Variants in MOB3B observed in about 807,000 individuals in gnomAD.
MOB3B encodes MOB kinase activator-like 2B.
In MOB3B, 7 loss-of-function variants were observed where a neutral mutation model predicts 18.7. The observed-to-expected ratio is 0.37, with a 90% CI of 0.21 to 0.70. The LOEUF is 0.70. Ranked by LOEUF, MOB3B falls within the 30% of genes least tolerant of loss-of-function variation. The pLI is 0.52. For missense variants in MOB3B, 253 were observed against 281.3 expected (o/e 0.90, Z 0.72); for synonymous variants, 111 against 99.9 (o/e 1.11, Z -0.66).
chr9:27,500,501 G>T (rs888683155), intron 1 of MOB3B, among the ~76,000 whole-genome samples: 3 of 152,118 alleles, frequency 2.0e-5, no homozygotes, highest in African/African-American at 7.2e-5. Context: ...ATGGGGAAAG[G>T]ATTACCTATT....
In MOB3B at chr9:27,457,455, A is replaced by G. The variant is rs187289843; in HGVS notation, c.-198-1707T>C. Among the ~76,000 whole-genome samples, 383 of 152,212 alleles carry G rather than the reference A, an allele frequency of 2.5e-3. 1 individual carries two copies. Among genetic ancestry groups the G allele is most frequent in the African/African-American group, 9.0e-3 (373 of 41,518 alleles). ...CCTGTAAGGGGTTCTGCCATTCCAC[A>G]CTCAAACAGGGCTTGATGGTACTTT... On this transcript the variant is annotated intron_variant, in intron 1 of 3. Coordinates refer to ENST00000262244, the MANE Select transcript of MOB3B (RefSeq NM_024761.5).
At chr9:27,513,626 G>A (rs374031848) in intron 1 of MOB3B, among the ~76,000 whole-genome samples, 1 of 152,092 alleles carries the variant, frequency 6.6e-6, no homozygotes, top group African/African-American at 2.4e-5. Context: ...CTGTGAACTT[G>A]CTGTTCCCTC....
At chr9:27,462,642 TGAAACAGCGTATGTCAATCCTTTCTTG>T (rs1405487222) in intron 1 of MOB3B, among the ~76,000 whole-genome samples, 1 of 152,240 alleles carries the variant, frequency 6.6e-6, no homozygotes, top group Non-Finnish European at 1.5e-5. Flanking sequence ...TCTTTTTCTT[TGAAACAGCGTATGTCAATCCTTTCTTG>T]GAAAAGTCTT....
chr9:27,460,003 A>T (rs1587231885), intron 1 of MOB3B, among the ~76,000 whole-genome samples: 1 of 152,320 alleles, frequency 6.6e-6, no homozygotes, highest in East Asian at 1.9e-4. Flanking sequence ...CCAATGGTTC[A>T]TTTGATCAAT....
At chr9:27,361,891 T>G (rs1432169373) in intron 2 of MOB3B, among the ~76,000 whole-genome samples, 2 of 152,212 alleles carry the variant, frequency 1.3e-5, no homozygotes, top group Non-Finnish European at 2.9e-5. Context: ...CTCCCCTGGT[T>G]CCAGTCTCAT....
At chr9:27,493,640 C>CA (rs968701198) in intron 1 of MOB3B, among the ~76,000 whole-genome samples, 1,881 of 145,288 alleles carry the variant, frequency 0.013, 37 homozygotes, top group African/African-American at 0.043. Context: ...GACTCCATCT[C>CA]AAAAAAAAAA....
intron 1 of MOB3B, among the ~76,000 whole-genome samples, chr9:27,515,020 T>C (rs1350133932): frequency 6.6e-6 from 1 of 152,218 alleles, no homozygotes; most frequent in Admixed American, 6.5e-5. Flanking sequence ...GAAGACTTAG[T>C]TTTGTTGTTG....
intron 3 of MOB3B, among the ~76,000 whole-genome samples, chr9:27,345,143 T>C (rs1266972951): frequency 6.6e-6 from 1 of 152,166 alleles, no homozygotes. Flanking sequence ...ACTGAAATGG[T>C]GCATATGCCT....
At chr9:27,373,336 C>T (rs1291339790) in intron 2 of MOB3B, among the ~76,000 whole-genome samples, 2 of 152,236 alleles carry the variant, frequency 1.3e-5, no homozygotes, top group East Asian at 3.8e-4. Flanking sequence ...CCAGATACAA[C>T]TCCCACTATA....
chr9:27,423,250 T>C (rs763351897), intron 2 of MOB3B, among the ~76,000 whole-genome samples: 21 of 152,222 alleles, frequency 1.4e-4, no homozygotes, highest in Non-Finnish European at 2.8e-4. Context: ...ATGACAGTTA[T>C]GACAATCAAG....
At chr9:27,342,875 G>A (rs1395704311) in intron 3 of MOB3B, among the ~76,000 whole-genome samples, 3 of 151,172 alleles carry the variant, frequency 2.0e-5, no homozygotes, top group Non-Finnish European at 4.4e-5. Flanking sequence ...TGCAGCCTCT[G>A]CCCGGCCGCC....
intron 2 of MOB3B, among the ~76,000 whole-genome samples, chr9:27,425,504 C>T (rs1180285373): frequency 6.6e-6 from 1 of 152,106 alleles, no homozygotes; most frequent in Non-Finnish European, 1.5e-5. Flanking sequence ...TTACATAACA[C>T]CCCCAGCAGA....
intron 1 of MOB3B, among the ~76,000 whole-genome samples, chr9:27,459,876 CAAAAAAAAAA>C (rs35792761): frequency 8.1e-5 from 7 of 86,742 alleles, no homozygotes; most frequent in Non-Finnish European, 1.4e-4. Context: ...TTTCAGTCTC[CAAAAAAAAAA>C]AAAAAAAAAA....
At chr9:27,425,120 A>G (rs1181259670) in intron 2 of MOB3B, among the ~76,000 whole-genome samples, 1 of 152,116 alleles carries the variant, frequency 6.6e-6, no homozygotes, top group Non-Finnish European at 1.5e-5. Flanking sequence ...TTGTGCTTGT[A>G]ATCCCAGCAC....
intron 2 of MOB3B, among the ~76,000 whole-genome samples, chr9:27,422,043 T>C (rs994847094): frequency 3.9e-5 from 6 of 152,318 alleles, no homozygotes; most frequent in African/African-American, 1.4e-4. Flanking sequence ...GTCAAAACAG[T>C]GCCTGGAACC....
chr9:27,337,744 C>A (rs183470482), intron 3 of MOB3B, among the ~76,000 whole-genome samples: 4 of 152,258 alleles, frequency 2.6e-5, no homozygotes, highest in Non-Finnish European at 4.4e-5. Flanking sequence ...AGTGAGGTTT[C>A]TTCTAGTGTC....
chr9:27,388,837 C>G (rs928441405), intron 2 of MOB3B, among the ~76,000 whole-genome samples: 1 of 152,178 alleles, frequency 6.6e-6, no homozygotes, highest in Non-Finnish European at 1.5e-5. Flanking sequence ...TCCGTGTCTT[C>G]TTCCCTACCC....
intron 2 of MOB3B, among the ~76,000 whole-genome samples, chr9:27,412,678 A>G (rs1822088537): frequency 6.6e-6 from 1 of 152,246 alleles, no homozygotes; most frequent in African/African-American, 2.4e-5. Context: ...TCTAGTTAGG[A>G]AGAGAAAGAA....
chr9:27,472,436 A>G (rs937964113), intron 1 of MOB3B, among the ~76,000 whole-genome samples: 5 of 152,124 alleles, frequency 3.3e-5, no homozygotes, highest in African/African-American at 1.2e-4. Context: ...TTTTTGGTCC[A>G]AGCTGACAGT....
Sources: gnomAD v4.1 joint callset for allele counts (sites outside exome capture counted in the v4.1 genomes callset) on GRCh38, gnomAD v4.1.1 for gene constraint, MANE v1.5 for transcripts, NCBI Gene and HGNC (gene_info 2026-07-23, HGNC 2026-07-21) for gene names.